CDH12: variants seen among roughly 807,000 people sequenced by gnomAD.
CDH12 encodes the protein cadherin 12.
Under a neutral mutation model 74.1 loss-of-function variants are expected in CDH12, and 41 were observed. The observed-to-expected ratio is 0.55, with a 90% CI of 0.43 to 0.72. The LOEUF is 0.72. CDH12 is among the 30% of genes least tolerant of loss of function. The pLI, the probability that CDH12 is intolerant of heterozygous loss-of-function variation, is 0.00. For synonymous variants in CDH12, 399 were observed against 355.0 expected, an observed-to-expected ratio of 1.12 and a Z score of -1.39; for missense variants, 945 against 977.2, an observed-to-expected ratio of 0.97 and a Z score of 0.44.
rs1757284574 is a variant in CDH12 at position 21,981,101 on chromosome 5, ATAG to A, written c.232-5719_232-5717del. Among the ~76,000 whole-genome samples the A allele has an allele frequency of 3.9e-5, 6 of 152,244 alleles. No individual in the cohort carries two copies. The South Asian group carries it at 1.2e-3, about 32-fold the overall frequency. On this transcript the variant is annotated intron_variant, in intron 5 of 14. Transcript: ENST00000382254. ...AAAATTGGCTAAATGATTAAATGTT[ATAG>A]TAGTTCTTTAATTATAAATTCGAAT... is the stretch of plus-strand genomic sequence containing the variant.
chr5:22,809,883 T>A (rs1209141593), intron 1 of CDH12, among the ~76,000 whole-genome samples: 2 of 152,130 alleles, frequency 1.3e-5, no homozygotes, highest in South Asian at 2.1e-4. Context: ...AAATGTTATA[T>A]GAAAAGTTTA....
At chr5:22,591,338 G>T (rs1736304208) in intron 1 of CDH12, among the ~76,000 whole-genome samples, 1 of 151,916 alleles carries the variant, frequency 6.6e-6, no homozygotes, top group African/African-American at 2.4e-5. Context: ...AAAATAACTT[G>T]CTTGGATTGA....
At chr5:21,985,397 C>T (rs902444047) in intron 5 of CDH12, among the ~76,000 whole-genome samples, 1 of 152,072 alleles carries the variant, frequency 6.6e-6, no homozygotes, top group African/African-American at 2.4e-5. Context: ...TAGATCTATA[C>T]ACACATTCAG....
At chr5:22,789,376 G>T (rs1167413541) in intron 1 of CDH12, among the ~76,000 whole-genome samples, 1 of 151,940 alleles carries the variant, frequency 6.6e-6, no homozygotes. Context: ...TATAGAGTAT[G>T]ATATAATTGC....
chr5:22,801,620 C>G (rs1748516741), intron 1 of CDH12, among the ~76,000 whole-genome samples: 1 of 124,340 alleles, frequency 8.0e-6, no homozygotes, highest in African/African-American at 2.9e-5. Flanking sequence ...TTTACAATTA[C>G]CTTCACTCTG....
intron 1 of CDH12, among the ~76,000 whole-genome samples, chr5:22,823,332 A>G (rs536287355): frequency 6.6e-6 from 1 of 152,118 alleles, no homozygotes; most frequent in Non-Finnish European, 1.5e-5. Context: ...ATGTATACAT[A>G]TGTAACAAAC....
At chr5:22,785,812 C>T (rs1747594891) in intron 1 of CDH12, among the ~76,000 whole-genome samples, 1 of 152,064 alleles carries the variant, frequency 6.6e-6, no homozygotes, top group Non-Finnish European at 1.5e-5. Context: ...GCCACCATGC[C>T]CAGCCTTATT....
chr5:22,558,242 T>G (rs1561489567), intron 1 of CDH12, among the ~76,000 whole-genome samples: 1 of 151,956 alleles, frequency 6.6e-6, no homozygotes, highest in South Asian at 2.1e-4. Flanking sequence ...CAAGGAAAGT[T>G]GGAAATGGTA....
intron 8 of CDH12, among the ~76,000 whole-genome samples, chr5:21,837,915 T>G (rs1749631818): frequency 1.3e-5 from 2 of 152,144 alleles, no homozygotes; most frequent in Admixed American, 1.3e-4. Flanking sequence ...AGAAAATAAT[T>G]TGATCACAGT....
At chr5:21,920,662 T>TA (rs1314298006) in intron 6 of CDH12, among the ~76,000 whole-genome samples, 22 of 28,922 alleles carry the variant, frequency 7.6e-4, no homozygotes, top group African/African-American at 1.2e-3. Context: ...CCCCAGAACT[T>TA]AAAGTATGAT....
intron 1 of CDH12, among the ~76,000 whole-genome samples, chr5:22,761,195 C>T (rs898946799): frequency 2.0e-5 from 3 of 152,100 alleles, no homozygotes; most frequent in African/African-American, 7.2e-5. Context: ...AGTGGACAAA[C>T]CTGAGCATAA....
At chr5:22,172,463 A>G (rs1749085920) in intron 4 of CDH12, 1 of 151,876 alleles carries the variant, frequency 6.6e-6, no homozygotes, top group South Asian at 2.1e-4. Flanking sequence ...CCCCACAAGA[A>G]ATCAGTTCCC....
At chr5:22,192,585 G>C (rs987826550) in intron 4 of CDH12, among the ~76,000 whole-genome samples, 1 of 151,664 alleles carries the variant, frequency 6.6e-6, no homozygotes, top group East Asian at 1.9e-4. Context: ...ACCATTAGGG[G>C]TGTGTGTGTG....
At chr5:22,355,521 A>ATATATATAT (rs70959719) in intron 3 of CDH12, among the ~76,000 whole-genome samples, 5 of 74,124 alleles carry the variant, frequency 6.7e-5, no homozygotes, top group African/African-American at 1.8e-4. Flanking sequence ...CCTTAAAAAA[A>ATATATATAT]AAATATATAT....
chr5:22,444,174 T>A (rs1744731031), intron 2 of CDH12, among the ~76,000 whole-genome samples: 1 of 152,106 alleles, frequency 6.6e-6, no homozygotes, highest in South Asian at 2.1e-4. Context: ...TAAATGTAGT[T>A]CACTTGGAGT....
intron 1 of CDH12, among the ~76,000 whole-genome samples, chr5:22,678,651 G>A (rs747077457): frequency 4.7e-4 from 72 of 151,948 alleles, no homozygotes; most frequent in Non-Finnish European, 9.3e-4. Flanking sequence ...TAATCTAAAA[G>A]TAAAACTCTA....
intron 12 of CDH12, 130 bp from the exon 13 acceptor site, chr5:21,760,805 C>CA (rs149114494): frequency 0.032 from 21,589 of 672,066 alleles, 456 homozygotes; most frequent in Middle Eastern, 0.049. Flanking sequence ...ACCAGTAGGT[C>CA]AATTATTTAC....
chr5:22,597,120 A>C (rs765761158), intron 1 of CDH12, among the ~76,000 whole-genome samples: 5 of 152,212 alleles, frequency 3.3e-5, no homozygotes, highest in Non-Finnish European at 7.3e-5. Context: ...AATCAAGTTC[A>C]GGTAAAAATT....
chr5:21,789,340 G>A (rs1746367457), intron 10 of CDH12, among the ~76,000 whole-genome samples: 1 of 152,060 alleles, frequency 6.6e-6, no homozygotes, highest in Non-Finnish European at 1.5e-5. Flanking sequence ...CTGCCAGGTG[G>A]GCATTTGTAT....
Sources: allele counts gnomAD v4.1 joint callset (sites outside exome capture counted in the v4.1 genomes callset), GRCh38; gene constraint gnomAD v4.1.1; transcripts MANE v1.5; gene names NCBI Gene and HGNC (gene_info 2026-07-23, HGNC 2026-07-21).